Variants in KCNH1 observed in about 807,000 individuals in gnomAD.
The protein encoded by KCNH1 is potassium voltage-gated channel subfamily H member 1.
In KCNH1, 27 loss-of-function variants were observed where a neutral mutation model predicts 69.2. The observed-to-expected ratio is 0.39, with a 90% CI of 0.29 to 0.54. The LOEUF is 0.54. Ranked by LOEUF, KCNH1 falls within the 20% of genes least tolerant of loss-of-function variation. The pLI, the probability that KCNH1 is intolerant of heterozygous loss-of-function variation, is 0.68. For missense variants in KCNH1, 798 were observed against 1,261.6 expected (o/e 0.63, Z 5.57); for synonymous variants, 456 against 487.7 (o/e 0.93, Z 0.86).
chr1:211,018,672 TG>T, intron 6 of KCNH1, 110 bp downstream of exon 6: 1 of 882,480 alleles, frequency 1.1e-6, no homozygotes, highest in Non-Finnish European at 1.8e-6. Flanking sequence ...CCCTCTGTTC[TG>T]GACATCAGTC....
chr1:210,867,386 A>G (rs1042306451), intron 7 of KCNH1, among the ~76,000 whole-genome samples: 1 of 150,638 alleles, frequency 6.6e-6, no homozygotes, highest in Non-Finnish European at 1.5e-5. Context: ...TATGTGTCCA[A>G]AGCAAATTCA....
Position 211,095,457 on chromosome 1 carries a change from T to C in KCNH1, c.311-4767A>G, listed in dbSNP as rs566960868. ...TTTAGATCACTCTGATTTTCATCCCTTATGTAGCTCCCTTAGGTCATGTAG... is the reference window on the plus strand; with the variant it reads ...TTTAGATCACTCTGATTTTCATCCCCTATGTAGCTCCCTTAGGTCATGTAG... On this transcript the variant is annotated intron_variant, in intron 3 of 10. Transcript: ENST00000271751. 1.8e-4 allele frequency among the ~76,000 whole-genome samples: 28 copies of C among 152,304 alleles called. No homozygotes were observed. In the South Asian group the frequency reaches 5.8e-3, roughly 32 times the overall value.
rs987980024 is a variant in KCNH1 at position 211,133,093 on chromosome 1, G to C, written c.79+774C>G. 1.3e-5 allele frequency: 2 copies of C among 152,244 alleles called. No individual in the cohort carries two copies. The highest frequency in any genetic ancestry group is 4.8e-5 in the African/African-American group (2 of 41,452). The allele number at this position is 152,244 out of a possible 1,614,324, so 9.4% of individuals were successfully genotyped here. On this transcript the variant is annotated intron_variant, in intron 1 of 10. Transcript: ENST00000271751. This position sits in a 1 kb window ranked among gnomAD's most constrained non-coding sequence, Gnocchi z 5.4. ...TATTGGGTAATGGATCTATTTATAG[G>C]TTTGGTGAGATTGGGAATTTATAGG... is the stretch of plus-strand genomic sequence containing the variant.
intron 10 of KCNH1, among the ~76,000 whole-genome samples, chr1:210,711,934 C>T (rs921034510): frequency 3.9e-5 from 6 of 152,178 alleles, no homozygotes; most frequent in Non-Finnish European, 8.8e-5. Context: ...AGACAGTTTC[C>T]CTCACCTAGG....
At chr1:210,946,655 T>A (rs146040936) in intron 6 of KCNH1, among the ~76,000 whole-genome samples, 1 of 152,300 alleles carries the variant, frequency 6.6e-6, no homozygotes, top group African/African-American at 2.4e-5. Context: ...AGCACCTCAC[T>A]GCCACCCATA....
intron 6 of KCNH1, among the ~76,000 whole-genome samples, chr1:210,946,967 C>T (rs1687969200): frequency 6.6e-6 from 1 of 152,212 alleles, no homozygotes; most frequent in Admixed American, 6.5e-5. Flanking sequence ...CTGTTGTAAA[C>T]TCCCCACAGT....
chr1:211,092,927 T>C (rs1472040899), intron 3 of KCNH1, among the ~76,000 whole-genome samples: 2 of 152,114 alleles, frequency 1.3e-5, no homozygotes, highest in Non-Finnish European at 2.9e-5. Context: ...TTATTTAAAC[T>C]GTGTCTCTGT....
rs754326959 is a variant in KCNH1 at position 210,920,136 on chromosome 1, C to T, written c.1033-67G>A. On this transcript the variant is annotated intron_variant, in intron 6 of 10. Coordinates refer to ENST00000271751, the MANE Select transcript of KCNH1 (RefSeq NM_172362.3). ...GATACTACTCTCGTCCCCTCCGCCC[C>T]ACTTGGGCCATTATTTTAAGCATAG... 2.7e-5 allele frequency: 37 copies of T among 1,381,820 alleles called. No individual in the cohort carries two copies. In the African/African-American group the frequency reaches 4.2e-4, roughly 16 times the overall value. The allele number at this position is 1,381,820 out of a possible 1,614,324, so 85.6% of individuals were successfully genotyped here.
At chr1:210,776,309 G>A (rs1160642683) in intron 9 of KCNH1, among the ~76,000 whole-genome samples, 1 of 151,904 alleles carries the variant, frequency 6.6e-6, no homozygotes, top group Non-Finnish European at 1.5e-5. Context: ...TAAAAATATA[G>A]GCTCTATATA....
At chr1:210,691,226 T>C (rs1388003036) in intron 10 of KCNH1, among the ~76,000 whole-genome samples, 1 of 152,120 alleles carries the variant, frequency 6.6e-6, no homozygotes, top group Non-Finnish European at 1.5e-5. Context: ...TGGGCGAGGG[T>C]GTTCCAAACA....
intron 10 of KCNH1, among the ~76,000 whole-genome samples, chr1:210,761,249 C>CCAA (rs1683512019): frequency 2.7e-5 from 1 of 37,090 alleles, no homozygotes; most frequent in Non-Finnish European, 4.5e-5. Flanking sequence ...GAGACTCCGT[C>CCAA]AAAAAAAAAA....
At chr1:211,013,523 C>A (rs1033270682) in intron 6 of KCNH1, among the ~76,000 whole-genome samples, 2 of 152,198 alleles carry the variant, frequency 1.3e-5, no homozygotes, top group Admixed American at 6.5e-5. Context: ...GACTGAAATG[C>A]ATAGTTTGGT....
At chr1:210,687,055 AAAAAGC>A (rs1681422772) in intron 10 of KCNH1, among the ~76,000 whole-genome samples, 1 of 152,238 alleles carries the variant, frequency 6.6e-6, no homozygotes, top group Non-Finnish European at 1.5e-5. Flanking sequence ...TCAATGTTAT[AAAAAGC>A]AGGGTTTGGC....
intron 5 of KCNH1, among the ~76,000 whole-genome samples, chr1:211,045,849 C>T (rs1477474118): frequency 6.6e-6 from 1 of 152,136 alleles, no homozygotes; most frequent in East Asian, 1.9e-4. Context: ...TTTGCCCTCC[C>T]CGCAGTCCCT....
At chr1:211,000,958 A>G (rs532695968) in intron 6 of KCNH1, among the ~76,000 whole-genome samples, 51 of 152,216 alleles carry the variant, frequency 3.4e-4, no homozygotes, top group African/African-American at 1.2e-3. Flanking sequence ...CTGGCTAGCC[A>G]TATGTAGAAA....
At chr1:210,883,917 C>T (rs1364716899) in intron 7 of KCNH1, among the ~76,000 whole-genome samples, 1 of 152,218 alleles carries the variant, frequency 6.6e-6, no homozygotes, top group Non-Finnish European at 1.5e-5. Context: ...ATGGTGAAAC[C>T]AAGGGCCTAG....
intron 7 of KCNH1, among the ~76,000 whole-genome samples, chr1:210,836,181 A>C (rs1370252828): frequency 1.3e-5 from 2 of 151,898 alleles, no homozygotes; most frequent in Non-Finnish European, 2.9e-5. Flanking sequence ...AGATAAATAC[A>C]TTTTGAAAGC....
At chr1:210,988,060 G>A (rs1286098123) in intron 6 of KCNH1, among the ~76,000 whole-genome samples, 2 of 152,160 alleles carry the variant, frequency 1.3e-5, no homozygotes, top group African/African-American at 4.8e-5. Context: ...GTGAGATTCT[G>A]TGGGTGTAGG....
At chr1:210,812,130 G>A (rs1684715583) in intron 7 of KCNH1, among the ~76,000 whole-genome samples, 1 of 152,172 alleles carries the variant, frequency 6.6e-6, no homozygotes, top group Non-Finnish European at 1.5e-5. Context: ...AGAATATGTT[G>A]TCAAGCTGTA....
Sources: allele counts gnomAD v4.1 joint callset (sites outside exome capture counted in the v4.1 genomes callset), GRCh38; gene constraint gnomAD v4.1.1; non-coding constraint Gnocchi (gnomAD v3.1); transcripts MANE v1.5; gene names NCBI Gene and HGNC (gene_info 2026-07-23, HGNC 2026-07-21).